The following RUNX1 variants were observed in gnomAD, a reference collection of about 807,000 sequenced individuals.
The protein encoded by RUNX1 is RUNX family transcription factor 1, also known as runt-related transcription factor 1.
A neutral mutation model predicts 42.8 loss-of-function variants in RUNX1; 19 were observed. The ratio of observed to expected loss-of-function variants is 0.44; its 90% confidence interval spans 0.31 to 0.65. RUNX1 has a LOEUF of 0.65. Ranked by LOEUF, RUNX1 falls within the 30% of genes least tolerant of loss-of-function variation. The probability of loss-of-function intolerance (pLI) is 0.07; values close to 1 mark genes in which losing one functional copy is unlikely to be tolerated. For synonymous variants in RUNX1, 271 were observed against 289.4 expected (o/e 0.94, Z 0.64); for missense variants, 528 against 672.0 (o/e 0.79, Z 2.37).
intron 2 of RUNX1, among the ~76,000 whole-genome samples, chr21:34,982,732 G>C (rs1467222248): frequency 6.6e-6 from 1 of 152,072 alleles, no homozygotes; most frequent in Non-Finnish European, 1.5e-5. Flanking sequence ...ACAACACCCA[G>C]CTAATTTTTG....
chr21:34,866,321 C>T (rs1204821124), intron 5 of RUNX1, among the ~76,000 whole-genome samples: 1 of 152,190 alleles, frequency 6.6e-6, no homozygotes, highest in African/African-American at 2.4e-5. Context: ...AGAAAAACAT[C>T]GCAGCTTTTA....
At chr21:35,046,017 C>G (rs955142091) in intron 2 of RUNX1, among the ~76,000 whole-genome samples, 1 of 152,180 alleles carries the variant, frequency 6.6e-6, no homozygotes, top group Non-Finnish European at 1.5e-5. Flanking sequence ...CGTGCCGAGG[C>G]TTTTCCTCCC....
chr21:34,881,831 A>G (rs1041774641), intron 4 of RUNX1, among the ~76,000 whole-genome samples: 11 of 152,216 alleles, frequency 7.2e-5, no homozygotes. Context: ...GGCCTTCTAG[A>G]AACTATTTTC....
At chr21:34,945,437 A>G (rs925567411) in intron 2 of RUNX1, among the ~76,000 whole-genome samples, 2 of 152,116 alleles carry the variant, frequency 1.3e-5, no homozygotes, top group African/African-American at 4.8e-5. Context: ...CCTCCGCCAC[A>G]TACCCCACAA....
rs575759418 is a variant in RUNX1, at chr21:35,030,170, T to C, written c.58+18672A>G. Among the ~76,000 whole-genome samples, 37 of 152,174 alleles carry C rather than the reference T, an allele frequency of 2.4e-4. No homozygotes were observed. The East Asian group carries it at 6.4e-3, about 26-fold the overall frequency. ...TATCCTGGCTAACACGGTGAAACCATGTCTCTACTAAAAATACAAAAAATT... is the reference window on the plus strand; with the variant it reads ...TATCCTGGCTAACACGGTGAAACCACGTCTCTACTAAAAATACAAAAAATT... On this transcript the variant is annotated intron_variant, in intron 2 of 8. Coordinates refer to ENST00000675419, the MANE Select transcript of RUNX1 (RefSeq NM_001754.5).
Position 34,941,487 on chromosome 21 carries a change from G to A in RUNX1, c.59-48524C>T, listed in dbSNP as rs75030518. Among the ~76,000 whole-genome samples the A allele has an allele frequency of 2.3e-3, 355 of 152,206 alleles. 10 individuals are homozygous for A. The East Asian group carries it at 0.06, about 26-fold the overall frequency. On this transcript the variant is annotated intron_variant, in intron 2 of 8. Coordinates refer to ENST00000675419, the MANE Select transcript of RUNX1 (RefSeq NM_001754.5). ...ACTTCACTACACAGAGAGCCTGGCT[G>A]TGAGACACAAAGACCTACACAAACA...
intron 2 of RUNX1, among the ~76,000 whole-genome samples, chr21:35,012,611 G>T (rs1403467410): frequency 1.3e-5 from 2 of 152,120 alleles, no homozygotes; most frequent in Non-Finnish European, 2.9e-5. Flanking sequence ...CCACAGGTTT[G>T]ACATCTATAT....
At chr21:34,930,701 ACACTCT>A (rs1198984343) in intron 2 of RUNX1, among the ~76,000 whole-genome samples, 1 of 104,912 alleles carries the variant, frequency 9.5e-6, no homozygotes, top group Admixed American at 8.7e-5. Flanking sequence ...CCACACACAC[ACACTCT>A]CTCTCTCTCT....
intron 6 of RUNX1, among the ~76,000 whole-genome samples, chr21:34,841,436 C>T (rs2057233106): frequency 6.6e-6 from 1 of 152,162 alleles, no homozygotes; most frequent in Admixed American, 6.5e-5. Flanking sequence ...TCACTGGGTC[C>T]ACCTGTGTAT....
Position 34,859,237 on chromosome 21 carries a change from C to A in RUNX1, c.613+237G>T, listed in dbSNP as rs913717864. 4.8e-5 allele frequency: 27 copies of A among 567,452 alleles called. No individual in the cohort carries two copies. In the East Asian group the frequency reaches 7.8e-4, roughly 16 times the overall value. 35.2% of individuals were successfully genotyped at this position (567,452 alleles called of 1,614,324 possible). A position where few individuals can be genotyped will look rare whatever the true frequency, so the allele number is the denominator to read the frequency against. On this transcript the variant is annotated intron_variant, in intron 6 of 8. Coordinates refer to ENST00000675419, the MANE Select transcript of RUNX1 (RefSeq NM_001754.5). Reference sequence around the variant, plus strand: ...CCCTGAATGGTTCTAACATATGATTCAGTCAGCCTAATTTCCTTTTGCCCT... The same window carrying A: ...CCCTGAATGGTTCTAACATATGATTAAGTCAGCCTAATTTCCTTTTGCCCT...
chr21:34,948,948 G>A (rs1409412227), intron 2 of RUNX1, among the ~76,000 whole-genome samples: 1 of 152,058 alleles, frequency 6.6e-6, no homozygotes, highest in Admixed American at 6.6e-5. Context: ...TAGAGACAGG[G>A]TTTCACCATC....
At chr21:34,995,218 CCA>C (rs2058984896) in intron 2 of RUNX1, among the ~76,000 whole-genome samples, 1 of 152,176 alleles carries the variant, frequency 6.6e-6, no homozygotes, top group African/African-American at 2.4e-5. Flanking sequence ...ACATCAGACT[CCA>C]CCCTTCCCAG....
chr21:34,895,751 A>G (rs1394827505), intron 2 of RUNX1, among the ~76,000 whole-genome samples: 2 of 152,188 alleles, frequency 1.3e-5, no homozygotes, highest in East Asian at 3.8e-4. Context: ...TCAAAAATAC[A>G]TAGACGTAGA....
In RUNX1 at chr21:35,049,257, C is replaced by T; in HGVS notation, c.-149G>A. 3.7e-6 allele frequency: 1 copy of T among 271,114 alleles called. No individual in the cohort carries two copies. The highest frequency in any genetic ancestry group is 7.2e-6 in the Non-Finnish European group (1 of 138,096). The allele number at this position is 271,114 out of a possible 1,614,324, so 16.8% of individuals were successfully genotyped here. ...GGTTCAGACTTCTGACACTGCCAGG[C>T]TACCCAACTTGTGGTTCTGTGGTTG... On this transcript the variant is annotated 5_prime_UTR_variant, in exon 1 of 9. Transcript: ENST00000675419.
intron 2 of RUNX1, among the ~76,000 whole-genome samples, chr21:34,938,967 A>G (rs1371769981): frequency 1.3e-5 from 2 of 152,156 alleles, no homozygotes; most frequent in African/African-American, 2.4e-5. Flanking sequence ...TAGTTACAAC[A>G]TTTTTCTAGA....
intron 2 of RUNX1, among the ~76,000 whole-genome samples, chr21:34,910,903 T>C (rs2058267125): frequency 1.3e-5 from 2 of 151,950 alleles, no homozygotes; most frequent in Admixed American, 6.5e-5. Flanking sequence ...CCCAAGTAGC[T>C]AGGACTACAG....
At chr21:34,930,881 A>T (rs948162955) in intron 2 of RUNX1, among the ~76,000 whole-genome samples, 1 of 152,112 alleles carries the variant, frequency 6.6e-6, no homozygotes, top group Non-Finnish European at 1.5e-5. Context: ...TTTGAAGAAG[A>T]TGACAGTTCC....
chr21:34,943,757 T>C (rs968883846), intron 2 of RUNX1, among the ~76,000 whole-genome samples: 2 of 152,196 alleles, frequency 1.3e-5, no homozygotes, highest in Non-Finnish European at 2.9e-5. Flanking sequence ...CAACTGGATT[T>C]TGCAAAATTG....
At chr21:34,997,142 G>T (rs961159651) in intron 2 of RUNX1, among the ~76,000 whole-genome samples, 2 of 152,190 alleles carry the variant, frequency 1.3e-5, no homozygotes, top group African/African-American at 4.8e-5. Flanking sequence ...GGCTTAAATT[G>T]CATTCACTGA....
Sources: allele counts gnomAD v4.1 joint callset (sites outside exome capture counted in the v4.1 genomes callset), GRCh38; gene constraint gnomAD v4.1.1; transcripts MANE v1.5; gene names NCBI Gene and HGNC (gene_info 2026-07-23, HGNC 2026-07-21).